The following RASAL2 variants were observed in gnomAD, a reference collection of about 807,000 sequenced individuals.
RASAL2 encodes the protein RAS protein activator like 2, also known as ras GTPase-activating protein nGAP.
Under a neutral mutation model 128.9 loss-of-function variants are expected in RASAL2, and 58 were observed. That is an observed-to-expected ratio of 0.45 (90% CI 0.36 to 0.56). The LOEUF is 0.56. Among genes scored for constraint, RASAL2 ranks in the 20% least tolerant of loss-of-function variants. The pLI, the probability that RASAL2 is intolerant of heterozygous loss-of-function variation, is 0.00. For synonymous variants in RASAL2, 561 were observed against 580.8 expected, an observed-to-expected ratio of 0.97 and a Z score of 0.49; for missense variants, 1,360 against 1,601.6, an observed-to-expected ratio of 0.85 and a Z score of 2.57.
intron 3 of RASAL2, among the ~76,000 whole-genome samples, chr1:178,371,470 G>A (rs1384427709): frequency 3.3e-5 from 5 of 151,960 alleles, no homozygotes; most frequent in Non-Finnish European, 5.9e-5. Flanking sequence ...CTTATGAAGT[G>A]GACTTGTAAT....
At chr1:178,414,975 T>C (rs979420751) in intron 4 of RASAL2, among the ~76,000 whole-genome samples, 1 of 152,166 alleles carries the variant, frequency 6.6e-6, no homozygotes, top group African/African-American at 2.4e-5. Context: ...ATTTTTTTCT[T>C]AGTCTGGCTA....
At chr1:178,393,382 G>A (rs1052697951) in intron 4 of RASAL2, among the ~76,000 whole-genome samples, 1 of 152,200 alleles carries the variant, frequency 6.6e-6, no homozygotes, top group African/African-American at 2.4e-5. Flanking sequence ...TCACGCAGTA[G>A]ATTCTCATCA....
At chr1:178,431,559 C>G (rs1439652104) in intron 5 of RASAL2, among the ~76,000 whole-genome samples, 1 of 151,988 alleles carries the variant, frequency 6.6e-6, no homozygotes, top group Non-Finnish European at 1.5e-5. Context: ...GCCCTTGGAT[C>G]TAGCAATTTC....
At chr1:178,288,648 T>C (rs1346554855) in intron 2 of RASAL2, among the ~76,000 whole-genome samples, 20 of 130,832 alleles carry the variant, frequency 1.5e-4, no homozygotes, top group African/African-American at 5.9e-4. Flanking sequence ...CTCTCTTTTT[T>C]TTTTTTTTTT....
chr1:178,361,663 T>C (rs551208882), intron 3 of RASAL2, among the ~76,000 whole-genome samples: 1 of 152,238 alleles, frequency 6.6e-6, no homozygotes, highest in African/African-American at 2.4e-5. Flanking sequence ...GGCACCAGGG[T>C]CTGGTTTCAT....
intron 4 of RASAL2, among the ~76,000 whole-genome samples, chr1:178,396,234 C>T (rs1673218077): frequency 6.6e-6 from 1 of 152,066 alleles, no homozygotes; most frequent in Non-Finnish European, 1.5e-5. Flanking sequence ...CTGGAGATTC[C>T]AACTTACCCT....
At position 178,473,242 on chromosome 1, in the gene RASAL2, G is replaced by C; in HGVS notation, c.*3G>C. 1 of 1,614,066 alleles carries C rather than the reference G, an allele frequency of 6.2e-7. No individual in the cohort carries two copies. Among genetic ancestry groups the C allele is most frequent in the Non-Finnish European group, 8.5e-7 (1 of 1,180,010 alleles). ...AATTCAAAAACAGCAGCTGCTGACGGGCTTTGTCTGTGGAAGGAGACAGAA... is the reference window on the plus strand; with the variant it reads ...AATTCAAAAACAGCAGCTGCTGACGCGCTTTGTCTGTGGAAGGAGACAGAA... On this transcript the variant is annotated 3_prime_UTR_variant, in exon 18 of 18. Transcript: ENST00000367649.
intron 1 of RASAL2, among the ~76,000 whole-genome samples, chr1:178,122,495 A>C (rs1367722243): frequency 1.3e-5 from 2 of 152,196 alleles, no homozygotes; most frequent in Non-Finnish European, 2.9e-5. Context: ...TGCAGTCATA[A>C]TGACTGGATT....
chr1:178,454,749 C>T, intron 12 of RASAL2, 101 bp downstream of exon 12: 1 of 976,106 alleles, frequency 1.0e-6, no homozygotes. Context: ...TTGAAAGCAA[C>T]TGTTTACCCT....
chr1:178,157,531 A>G (rs551527659), intron 1 of RASAL2, among the ~76,000 whole-genome samples: 56 of 152,248 alleles, frequency 3.7e-4, no homozygotes, highest in Non-Finnish European at 6.9e-4. Context: ...CTAATTCCCA[A>G]GGCTGCAGGG....
In RASAL2 at chr1:178,429,272, A is replaced by T. The variant is rs535937572; in HGVS notation, c.674+8652A>T. 7.2e-5 allele frequency among the ~76,000 whole-genome samples: 11 copies of T among 152,238 alleles called. No homozygotes were observed. In the South Asian group the frequency reaches 8.3e-4, roughly 11 times the overall value. On this transcript the variant is annotated intron_variant, in intron 5 of 17. Transcript: ENST00000367649. ...ACTACAGGCTTATCCAAAAGCATCA[A>T]TGCTCTTGCTCTGCCACCAACAGTT...
rs1030354832 is a variant in RASAL2, at chr1:178,109,889, G to A, written c.202+15195G>A. On this transcript the variant is annotated intron_variant, in intron 1 of 17. Transcript: ENST00000367649. ...ATAAATTAGCCAGGTGTTGTGGCCC[G>A]CACTTGTAGTCCTAGCTACTTGGGA... 3.3e-5 allele frequency among the ~76,000 whole-genome samples: 5 copies of A among 151,998 alleles called. 1 individual carries two copies. The highest frequency in any genetic ancestry group is 4.1e-4 in the South Asian group (2 of 4,830).
In RASAL2 at chr1:178,164,479, A is replaced by ATT. The variant is rs770633168; in HGVS notation, c.202+69787_202+69788dup. Reference sequence around the variant, plus strand: ...AGCAAGAATTACAATGATAATTAGCATTTGTGTGTGTGTGTGTGTGTGTGT... The same window carrying ATT: ...AGCAAGAATTACAATGATAATTAGCATTTTTGTGTGTGTGTGTGTGTGTGTGT... On this transcript the variant is annotated intron_variant, in intron 1 of 17. Coordinates refer to ENST00000367649, the MANE Select transcript of RASAL2 (RefSeq NM_170692.4). Among the ~76,000 whole-genome samples the ATT allele has an allele frequency of 2.3e-3, 222 of 97,434 alleles. 4 individuals are homozygous for ATT. Among genetic ancestry groups the ATT allele is most frequent in the Admixed American group, 6.7e-3 (46 of 6,884 alleles). The allele number at this position is 97,434 out of a possible 152,430, so 63.9% of individuals were successfully genotyped here. A position where few individuals can be genotyped will look rare whatever the true frequency, so the allele number is the denominator to read the frequency against.
intron 14 of RASAL2, among the ~76,000 whole-genome samples, chr1:178,462,933 A>G (rs1362286588): frequency 6.6e-6 from 1 of 152,054 alleles, no homozygotes; most frequent in Non-Finnish European, 1.5e-5. Flanking sequence ...AAATGTCCCT[A>G]TGTTACTTTT....
intron 1 of RASAL2, among the ~76,000 whole-genome samples, chr1:178,254,567 G>A (rs941097733): frequency 6.6e-6 from 1 of 152,120 alleles, no homozygotes; most frequent in African/African-American, 2.4e-5. Flanking sequence ...CTAAGAAAAA[G>A]CAAGAGTCTG....
At chr1:178,103,850 T>C (rs1394157871) in intron 1 of RASAL2, among the ~76,000 whole-genome samples, 1 of 152,162 alleles carries the variant, frequency 6.6e-6, no homozygotes, top group African/African-American at 2.4e-5. Flanking sequence ...GAAGAAATGA[T>C]TCTTACACAA....
intron 6 of RASAL2, among the ~76,000 whole-genome samples, 165 bp from the exon 7 acceptor site, chr1:178,441,384 G>A (rs1676640696): frequency 6.6e-6 from 1 of 152,120 alleles, no homozygotes; most frequent in African/African-American, 2.4e-5. Context: ...AGCATGAGTA[G>A]TTTGGGATCT....
intron 1 of RASAL2, among the ~76,000 whole-genome samples, chr1:178,144,823 A>G (rs949309055): frequency 1.3e-5 from 2 of 152,194 alleles, no homozygotes; most frequent in African/African-American, 4.8e-5. Context: ...CCATGGATTT[A>G]TACATAGCAA....
chr1:178,193,640 A>C (rs911009174), intron 1 of RASAL2, among the ~76,000 whole-genome samples: 10 of 151,600 alleles, frequency 6.6e-5, no homozygotes, highest in Non-Finnish European at 1.5e-4. Flanking sequence ...CAGGTAGTTG[A>C]TATATTATTT....
Sources: gnomAD v4.1 joint callset for allele counts (sites outside exome capture counted in the v4.1 genomes callset) on GRCh38, gnomAD v4.1.1 for gene constraint, MANE v1.5 for transcripts, NCBI Gene and HGNC (gene_info 2026-07-23, HGNC 2026-07-21) for gene names.